RSRC1: variants seen among roughly 807,000 people sequenced by gnomAD.
The protein encoded by RSRC1 is serine/Arginine-related protein 53.
In RSRC1, 39 loss-of-function variants were observed where a neutral mutation model predicts 49.1. That is an observed-to-expected ratio of 0.79 (90% CI 0.61 to 1.04). The LOEUF (loss-of-function observed/expected upper bound fraction) is 1.04, where lower values mean the gene tolerates loss of function less well. Ranked by LOEUF, RSRC1 falls within the 50% of genes least tolerant of loss-of-function variation. The pLI, the probability that RSRC1 is intolerant of heterozygous loss-of-function variation, is 0.00. For synonymous variants in RSRC1, 143 were observed against 130.8 expected (o/e 1.09, Z -0.63); for missense variants, 388 against 402.4 (o/e 0.96, Z 0.31).
At chr3:158,499,628 T>C (rs941082213) in intron 7 of RSRC1, among the ~76,000 whole-genome samples, 38 of 152,336 alleles carry the variant, frequency 2.5e-4, no homozygotes, top group African/African-American at 8.4e-4. Flanking sequence ...AAGTATTTTA[T>C]TTATTTTTCA....
chr3:158,417,609 A>T (rs1354330217), intron 6 of RSRC1, among the ~76,000 whole-genome samples: 1 of 151,994 alleles, frequency 6.6e-6, no homozygotes, highest in African/African-American at 2.4e-5. Flanking sequence ...ATGATTGGGT[A>T]GAGGAACTTA....
chr3:158,194,571 T>A (rs1362791144), intron 3 of RSRC1, among the ~76,000 whole-genome samples: 2 of 151,186 alleles, frequency 1.3e-5, no homozygotes, highest in Non-Finnish European at 2.9e-5. Context: ...TATGTATACA[T>A]GTGCCATGTT....
At chr3:158,489,500 T>C (rs987306872) in intron 7 of RSRC1, among the ~76,000 whole-genome samples, 1 of 152,162 alleles carries the variant, frequency 6.6e-6, no homozygotes, top group African/African-American at 2.4e-5. Flanking sequence ...AGAAAAAATG[T>C]GGGACAAATT....
At position 158,355,371 on chromosome 3, in the gene RSRC1, CTT is replaced by C. The variant is rs200956714; in HGVS notation, c.583+465_583+466del. 6.7e-4 allele frequency among the ~76,000 whole-genome samples: 101 copies of C among 150,594 alleles called. No individual in the cohort carries two copies. In the East Asian group the frequency reaches 0.017, roughly 25 times the overall value. On this transcript the variant is annotated intron_variant, in intron 6 of 9. Transcript: ENST00000611884. ...TGGCTTTTATTTATATAAAATATAA[CTT>C]TATATTTTATGGTTTTACACTTTAC... is the stretch of plus-strand genomic sequence containing the variant.
chr3:158,149,506 TG>T (rs1424993180), intron 3 of RSRC1, among the ~76,000 whole-genome samples: 4 of 152,334 alleles, frequency 2.6e-5, no homozygotes, highest in African/African-American at 9.6e-5. Context: ...GCAGATGCGA[TG>T]GTCTAAGTGA....
chr3:158,221,696 C>T (rs1344555987), intron 4 of RSRC1, among the ~76,000 whole-genome samples: 1 of 151,442 alleles, frequency 6.6e-6, no homozygotes, highest in Non-Finnish European at 1.5e-5. Flanking sequence ...AAAGTAGATG[C>T]CTTTCCTATG....
At chr3:158,462,959 A>G (rs1232769136) in intron 7 of RSRC1, among the ~76,000 whole-genome samples, 2 of 152,028 alleles carry the variant, frequency 1.3e-5, no homozygotes, top group Non-Finnish European at 2.9e-5. Flanking sequence ...TATAAACTAC[A>G]GGATTACAGA....
At chr3:158,188,038 A>G (rs936637929) in intron 3 of RSRC1, among the ~76,000 whole-genome samples, 3 of 151,942 alleles carry the variant, frequency 2.0e-5, no homozygotes, top group Non-Finnish European at 4.4e-5. Context: ...ACGTAGCTAT[A>G]CTTTACCAAT....
intron 6 of RSRC1, among the ~76,000 whole-genome samples, chr3:158,417,379 A>G (rs1157183655): frequency 6.6e-6 from 1 of 152,024 alleles, no homozygotes; most frequent in African/African-American, 2.4e-5. Context: ...TCACATGCAA[A>G]TTGTTTTCCT....
intron 6 of RSRC1, among the ~76,000 whole-genome samples, chr3:158,443,056 T>A (rs1221266332): frequency 6.6e-6 from 1 of 152,118 alleles, no homozygotes; most frequent in East Asian, 1.9e-4. Context: ...AGCTGTGCTG[T>A]TATCCAAGCT....
intron 3 of RSRC1, among the ~76,000 whole-genome samples, chr3:158,155,414 C>T (rs1717799740): frequency 6.6e-6 from 1 of 151,974 alleles, no homozygotes; most frequent in African/African-American, 2.4e-5. Context: ...TGACTAGATA[C>T]ATTGTCAGTG....
At chr3:158,240,344 T>G (rs775743328) in intron 4 of RSRC1, among the ~76,000 whole-genome samples, 1 of 152,106 alleles carries the variant, frequency 6.6e-6, no homozygotes, top group Non-Finnish European at 1.5e-5. Flanking sequence ...TTTTAGAAAA[T>G]TTACATATTT....
At chr3:158,239,744 C>T (rs1405516795) in intron 4 of RSRC1, among the ~76,000 whole-genome samples, 1 of 152,038 alleles carries the variant, frequency 6.6e-6, no homozygotes, top group African/African-American at 2.4e-5. Flanking sequence ...TTCACCTTTT[C>T]ATTATAGGGT....
intron 7 of RSRC1, among the ~76,000 whole-genome samples, chr3:158,474,661 C>T (rs1369553737): frequency 6.6e-6 from 1 of 152,108 alleles, no homozygotes; most frequent in Non-Finnish European, 1.5e-5. Flanking sequence ...ACTTTCTCTG[C>T]TCATCTGTAG....
intron 6 of RSRC1, among the ~76,000 whole-genome samples, chr3:158,454,630 G>A (rs1208587127): frequency 6.6e-6 from 1 of 152,108 alleles, no homozygotes; most frequent in Non-Finnish European, 1.5e-5. Context: ...TACAGTGATA[G>A]TGATTCCAAA....
intron 6 of RSRC1, among the ~76,000 whole-genome samples, chr3:158,455,972 T>C (rs1252968173): frequency 1.3e-5 from 1 of 76,132 alleles, no homozygotes; most frequent in Non-Finnish European, 2.3e-5. Flanking sequence ...AGAGCAAGAC[T>C]CCATCTCAAA....
chr3:158,378,544 AC>A (rs1274073979), intron 6 of RSRC1, among the ~76,000 whole-genome samples: 7 of 152,232 alleles, frequency 4.6e-5, no homozygotes, highest in Non-Finnish European at 7.3e-5. Context: ...ATTGTAACTT[AC>A]TTTCACCTAT....
intron 7 of RSRC1, among the ~76,000 whole-genome samples, chr3:158,521,258 T>G (rs1012203812): frequency 1.3e-5 from 2 of 152,114 alleles, no homozygotes; most frequent in Non-Finnish European, 2.9e-5. Context: ...CATCCCACGC[T>G]AGTCACCAGC....
At chr3:158,505,191 T>C (rs1385443945) in intron 7 of RSRC1, among the ~76,000 whole-genome samples, 1 of 152,214 alleles carries the variant, frequency 6.6e-6, no homozygotes, top group Non-Finnish European at 1.5e-5. Context: ...TATAGTGTAC[T>C]CTTTTATTTA....
Sources: allele counts gnomAD v4.1 joint callset (sites outside exome capture counted in the v4.1 genomes callset), GRCh38; gene constraint gnomAD v4.1.1; transcripts MANE v1.5; gene names NCBI Gene and HGNC (gene_info 2026-07-23, HGNC 2026-07-21).